Variants in RAB3GAP1 observed in about 807,000 individuals in gnomAD.
The protein encoded by RAB3GAP1 is rab3 GTPase-activating protein catalytic subunit.
Under a neutral mutation model 130.7 loss-of-function variants are expected in RAB3GAP1, and 86 were observed. That is an observed-to-expected ratio of 0.66 (90% CI 0.55 to 0.79). The LOEUF (loss-of-function observed/expected upper bound fraction) is 0.79. RAB3GAP1 is among the 30% of genes least tolerant of loss of function. The pLI is 0.00. For missense variants in RAB3GAP1, 1,029 were observed against 1,169.4 expected (o/e 0.88, Z 1.75); for synonymous variants, 367 against 401.7 (o/e 0.91, Z 1.03).
chr2:135,150,596 T>C lies in RAB3GAP1; in HGVS notation c.2061+90T>C, dbSNP rs1305938072. On this transcript the variant is annotated intron_variant, in intron 18 of 23. Transcript: ENST00000264158. ...CACTCTGTAAAGTGGTATAAAGGCC[T>C]GAATGTCTTTTTGTTAAGTGTTTGG... 7 of 1,526,308 alleles carry C rather than the reference T, an allele frequency of 4.6e-6. No homozygotes were observed. The Admixed American group carries it at 1.2e-4, about 26-fold the overall frequency. The allele number at this position is 1,526,308 out of a possible 1,614,324, so 94.5% of individuals were successfully genotyped here.
intron 19 of RAB3GAP1, among the ~76,000 whole-genome samples, chr2:135,161,467 C>A: frequency 6.6e-6 from 1 of 151,514 alleles, no homozygotes; most frequent in Non-Finnish European, 1.5e-5. Context: ...CAAAAGTAAA[C>A]AATATATTAT....
intron 9 of RAB3GAP1, 138 bp downstream of exon 9, chr2:135,124,384 T>C (rs1691289464): frequency 7.3e-6 from 7 of 957,708 alleles, no homozygotes; most frequent in Non-Finnish European, 8.1e-6. Flanking sequence ...GACGTACACC[T>C]GGGCTGGGCA....
In RAB3GAP1 at chr2:135,141,222, T is replaced by G. The variant is rs186538540; in HGVS notation, c.1923+5290T>G. 8.5e-3 allele frequency among the ~76,000 whole-genome samples: 1,220 copies of G among 143,168 alleles called. 17 individuals carry two copies. The highest frequency in any genetic ancestry group is 0.032 in the African/African-American group (1,102 of 34,172). The allele number at this position is 143,168 out of a possible 152,430, so 93.9% of individuals were successfully genotyped here. A position where few individuals can be genotyped will look rare whatever the true frequency, so the allele number is the denominator to read the frequency against. ...AATATTTTGTTGCTTATCTATTCAC[T>G]TACTTCTTTTTTTTTTTTTTTTGAG... On this transcript the variant is annotated intron_variant, in intron 17 of 23. Coordinates refer to ENST00000264158, the MANE Select transcript of RAB3GAP1 (RefSeq NM_012233.3).
intron 19 of RAB3GAP1, among the ~76,000 whole-genome samples, chr2:135,159,935 C>A (rs530175294): frequency 1.3e-5 from 2 of 152,120 alleles, no homozygotes; most frequent in Non-Finnish European, 2.9e-5. Context: ...CCAGAATAGG[C>A]AAGTCCATAG....
intron 5 of RAB3GAP1, 104 bp from the exon 6 acceptor site, chr2:135,113,047 G>A: frequency 2.0e-6 from 3 of 1,509,792 alleles, no homozygotes; most frequent in Non-Finnish European, 2.7e-6. Context: ...GTTTAAACCT[G>A]ACTTGTTAAA....
chr2:135,150,444 G>A lies in RAB3GAP1; in HGVS notation c.1999G>A (p.Gly667Arg). 1 of 1,614,192 alleles carries A rather than the reference G, an allele frequency of 6.2e-7. No homozygotes were observed. ...VLAKLGTSAEGAHLRARMQSA... is the reference protein window; with the variant it reads ...VLAKLGTSAERAHLRARMQSA... ...AGCTAAATTAGGTACATCGGCAGAG[G>A]GGGCTCACCTTCGAGCACGCATGCA... is the stretch of plus-strand genomic sequence containing the variant. Residue 667 changes from glycine to arginine, a missense_variant, in exon 18 of 24, where the codon GGG becomes AGG. Around this residue, in one of 3 missense-constraint regions of RAB3GAP1, gnomAD observed 373 missense variants for 493.6 expected, o/e 0.76. Coordinates refer to ENST00000264158, the MANE Select transcript of RAB3GAP1 (RefSeq NM_012233.3).
rs763769880 is a variant in RAB3GAP1 at position 135,130,042 on chromosome 2, A to G, written c.1021A>G (p.Thr341Ala). Residue 341 changes from threonine (T) to alanine (A), a missense_variant, in exon 12 of 24, where the codon ACT (threonine) becomes GCT (alanine). Thr to Ala is a moderately conservative substitution (Grantham distance 58, BLOSUM62 0). This residue lies in a region of RAB3GAP1 where 510 missense variants were observed against 532.1 expected (regional missense o/e 0.96). Transcript: ENST00000264158. ...FFKICRRKES[T>A]DEILGRSAFE... ...TAAAATTTGCCGTCGAAAGGAGTCA[A>G]CTGATGAGATTCTTGGACGATCTGC... 11 of 1,613,562 alleles carry G rather than the reference A, an allele frequency of 6.8e-6. No individual in the cohort carries two copies. Among genetic ancestry groups the G allele is most frequent in the South Asian group, 1.1e-5 (1 of 90,956 alleles).
intron 3 of RAB3GAP1, among the ~76,000 whole-genome samples, chr2:135,079,918 A>G (rs10427354): frequency 0.01 from 1,530 of 152,246 alleles, 20 homozygotes; most frequent in African/African-American, 0.034. Context: ...TCACGAGGTC[A>G]GGAGATCGAG....
chr2:135,128,916 C>T (rs13389203), intron 11 of RAB3GAP1, among the ~76,000 whole-genome samples: 16,402 of 152,146 alleles, frequency 0.11, 2,192 homozygotes, highest in African/African-American at 0.32. Context: ...TTTGAGAGGT[C>T]GAGGCAGGTG....
intron 19 of RAB3GAP1, among the ~76,000 whole-genome samples, chr2:135,157,574 C>T (rs578163915): frequency 1.3e-5 from 2 of 152,152 alleles, no homozygotes; most frequent in Admixed American, 1.3e-4. Flanking sequence ...GTGGCTCATG[C>T]CTGTAATCTT....
At chr2:135,128,171 G>A (rs1255096362) in intron 11 of RAB3GAP1, among the ~76,000 whole-genome samples, 1 of 152,196 alleles carries the variant, frequency 6.6e-6, no homozygotes, top group Non-Finnish European at 1.5e-5. Flanking sequence ...CTATATAATA[G>A]TGAATACAAA....
In RAB3GAP1 at chr2:135,130,620, T is replaced by C. The variant is rs1170991526; in HGVS notation, c.1135T>C (p.Ser379Pro). ...GGCATCAGTTCCAATTCATAAATTA[T>C]CAGTTTCAAATATGGTACACACTGC... Reference protein sequence around the residue: ...EPASVPIHKLSVSNMVHTAKK... With the variant: ...EPASVPIHKLPVSNMVHTAKK... The change falls in exon 13 of 24, where the codon TCA (serine) becomes CCA (proline). Residue 379 changes from serine to proline, a missense_variant. Coordinates refer to ENST00000264158, the MANE Select transcript of RAB3GAP1 (RefSeq NM_012233.3). The C allele has an allele frequency of 1.2e-6, 2 of 1,613,670 alleles. No homozygotes were observed. The highest frequency in any genetic ancestry group is 1.3e-5 in the African/African-American group (1 of 74,932).
intron 17 of RAB3GAP1, among the ~76,000 whole-genome samples, chr2:135,140,766 GTAGGTGTT>G (rs1184273950): frequency 6.6e-6 from 1 of 152,188 alleles, no homozygotes; most frequent in Non-Finnish European, 1.5e-5. Flanking sequence ...CATAAAGAAA[GTAGGTGTT>G]TAGCATAAAC....
In RAB3GAP1 at chr2:135,130,634, G is replaced by C; in HGVS notation, c.1149G>C (p.Met383Ile). ...TTCATAAATTATCAGTTTCAAATAT[G>C]GTACACACTGCAAAGAAGAAAATCC... ...VPIHKLSVSN[M>I]VHTAKKKIRK... Residue 383 changes from methionine to isoleucine, a missense_variant, in exon 13 of 24, where the codon ATG (methionine) becomes ATC (isoleucine). Transcript: ENST00000264158. 1 of 1,613,470 alleles carries C rather than the reference G, an allele frequency of 6.2e-7. No individual in the cohort carries two copies. The highest frequency in any genetic ancestry group is 8.5e-7 in the Non-Finnish European group (1 of 1,179,578).
intron 23 of RAB3GAP1, among the ~76,000 whole-genome samples, chr2:135,166,719 A>G (rs1455504285): frequency 1.3e-5 from 2 of 152,180 alleles, no homozygotes; most frequent in African/African-American, 4.8e-5. Context: ...CATCTAGTAT[A>G]TACATATGTA....
intron 5 of RAB3GAP1, among the ~76,000 whole-genome samples, chr2:135,112,377 G>A (rs1690829380): frequency 6.6e-6 from 1 of 152,208 alleles, no homozygotes; most frequent in Non-Finnish European, 1.5e-5. Flanking sequence ...AAACCCATGT[G>A]TAAACCTGCC....
intron 8 of RAB3GAP1, among the ~76,000 whole-genome samples, chr2:135,122,744 CAG>C (rs1691240778): frequency 6.6e-6 from 1 of 152,016 alleles, no homozygotes; most frequent in Admixed American, 6.6e-5. Context: ...TTTTTTGAGA[CAG>C]AGTCTTGCTT....
intron 3 of RAB3GAP1, among the ~76,000 whole-genome samples, chr2:135,083,551 C>T (rs1689888251): frequency 6.6e-6 from 1 of 152,022 alleles, no homozygotes; most frequent in Admixed American, 6.6e-5. Flanking sequence ...ACCTCAAACT[C>T]CTGGGTCTCA....
At chr2:135,066,489 C>T (rs1020323012) in intron 3 of RAB3GAP1, among the ~76,000 whole-genome samples, 1 of 152,186 alleles carries the variant, frequency 6.6e-6, no homozygotes, top group South Asian at 2.1e-4. Flanking sequence ...TCATGTGGTA[C>T]TGTAATTTTC....
Sources: allele counts gnomAD v4.1 joint callset (sites outside exome capture counted in the v4.1 genomes callset), GRCh38; gene constraint gnomAD v4.1.1; regional missense constraint gnomAD v4.1.1; transcripts MANE v1.5; gene names NCBI Gene and HGNC (gene_info 2026-07-23, HGNC 2026-07-21).